MARCHF10: variants seen among roughly 807,000 people sequenced by gnomAD.
The protein encoded by MARCHF10 is membrane associated ring-CH-type finger 10.
A neutral mutation model predicts 76.2 loss-of-function variants in MARCHF10; 64 were observed. That is an observed-to-expected ratio of 0.84 (90% CI 0.69 to 1.03). The LOEUF is 1.03. MARCHF10 is among the 50% of genes least tolerant of loss of function. The pLI, the probability that MARCHF10 is intolerant of heterozygous loss-of-function variation, is 0.00. For synonymous variants in MARCHF10, 340 were observed against 357.5 expected (o/e 0.95, Z 0.55); for missense variants, 875 against 958.0 (o/e 0.91, Z 1.14).
chr17:62,702,190 T>C (rs1037787053), intron 10 of MARCHF10, among the ~76,000 whole-genome samples: 3 of 151,452 alleles, frequency 2.0e-5, no homozygotes, highest in African/African-American at 7.3e-5. Flanking sequence ...GGACAAGTGA[T>C]AGGACGGGGA....
rs1225812428 is a variant in MARCHF10 at position 62,701,589 on chromosome 17, T to C, written c.*114A>G. Reference sequence around the variant, plus strand: ...GTGGCACGAGGTGAAAATCTAACTGTGAACGCTTTGGTTTCAGTTTCAGTA... The same window carrying C: ...GTGGCACGAGGTGAAAATCTAACTGCGAACGCTTTGGTTTCAGTTTCAGTA... On this transcript the variant is annotated 3_prime_UTR_variant, in exon 11 of 11. Coordinates refer to ENST00000311269, the MANE Select transcript of MARCHF10 (RefSeq NM_152598.4). 6.3e-7 allele frequency: 1 copy of C among 1,594,956 alleles called. No individual in the cohort carries two copies. The highest frequency in any genetic ancestry group is 8.5e-7 in the Non-Finnish European group (1 of 1,173,662).
At chr17:62,742,922 C>T (rs553585758) in intron 5 of MARCHF10, among the ~76,000 whole-genome samples, 4 of 152,134 alleles carry the variant, frequency 2.6e-5, no homozygotes, top group African/African-American at 9.6e-5. Flanking sequence ...GGTGAGCCAC[C>T]CTGTCTGGTG....
At chr17:62,707,471 T>C (rs1568089018) in intron 9 of MARCHF10, 1 of 152,222 alleles carries the variant, frequency 6.6e-6, no homozygotes, top group Non-Finnish European at 1.5e-5. Context: ...GATCCATTGG[T>C]GAGAGCAATA....
chr17:62,729,870 A>T (rs564849788), intron 6 of MARCHF10, among the ~76,000 whole-genome samples: 39 of 142,912 alleles, frequency 2.7e-4, no homozygotes, highest in African/African-American at 9.2e-4. Flanking sequence ...CACCATGCTC[A>T]GCCCTCAAAT....
At chr17:62,753,289 T>C (rs1448363299) in intron 4 of MARCHF10, among the ~76,000 whole-genome samples, 1 of 152,092 alleles carries the variant, frequency 6.6e-6, no homozygotes. Flanking sequence ...GTATTTTTAG[T>C]AGAGATGGGG....
At chr17:62,787,366 T>G (rs557531984) in intron 3 of MARCHF10, among the ~76,000 whole-genome samples, 1 of 152,208 alleles carries the variant, frequency 6.6e-6, no homozygotes, top group South Asian at 2.1e-4. Flanking sequence ...TTGATTGATA[T>G]CACGTATTCA....
intron 2 of MARCHF10, among the ~76,000 whole-genome samples, chr17:62,798,996 C>T (rs1406574575): frequency 2.6e-5 from 4 of 152,134 alleles, no homozygotes; most frequent in South Asian, 2.1e-4. Context: ...TCTCACCTGC[C>T]GGCCTTGGGG....
chr17:62,771,008 A>G (rs1322356695), intron 3 of MARCHF10, among the ~76,000 whole-genome samples: 3 of 151,752 alleles, frequency 2.0e-5, no homozygotes, highest in Non-Finnish European at 4.4e-5. Flanking sequence ...GGCGCCCGCC[A>G]CCATGCCTGG....
chr17:62,737,535 C>T, intron 5 of MARCHF10: 1 of 576,946 alleles, frequency 1.7e-6, no homozygotes, highest in Non-Finnish European at 3.0e-6. Context: ...CTTTGTACCC[C>T]TGTGGTCCTA....
At chr17:62,748,245 A>G (rs1479322793) in intron 4 of MARCHF10, among the ~76,000 whole-genome samples, 1 of 152,066 alleles carries the variant, frequency 6.6e-6, no homozygotes, top group East Asian at 1.9e-4. Flanking sequence ...AAAATACAAA[A>G]TATTAGTTGG....
chr17:62,797,898 G>A lies in MARCHF10; in HGVS notation c.90+3748C>T, dbSNP rs946643120. Among the ~76,000 whole-genome samples, 7 of 134,694 alleles carry A rather than the reference G, an allele frequency of 5.2e-5. No homozygotes were observed. The East Asian group carries it at 9.6e-4, about 18-fold the overall frequency. The allele number at this position is 134,694 out of a possible 152,430, so 88.4% of individuals were successfully genotyped here. ...AGGGTAAAAAGGAAGGCACAAGTGC[G>A]TGAGTTCTTAGGTATACTTGGCAGG... On this transcript the variant is annotated intron_variant, in intron 2 of 10. Coordinates refer to ENST00000311269, the MANE Select transcript of MARCHF10 (RefSeq NM_152598.4).
chr17:62,759,804 T>C, intron 4 of MARCHF10, 31 bp downstream of exon 4: 2 of 1,604,462 alleles, frequency 1.2e-6, no homozygotes, highest in Non-Finnish European at 1.7e-6. Context: ...GGATTTTAGA[T>C]CTGATGAATT....
chr17:62,742,221 T>C lies in MARCHF10; in HGVS notation c.535+2155A>G, dbSNP rs1007349042. 3.3e-5 allele frequency among the ~76,000 whole-genome samples: 5 copies of C among 151,558 alleles called. No homozygotes were observed. The South Asian group carries it at 1.0e-3, about 32-fold the overall frequency. On this transcript the variant is annotated intron_variant, in intron 5 of 10. Coordinates refer to ENST00000311269, the MANE Select transcript of MARCHF10 (RefSeq NM_152598.4). ...TTTCTGTAGAGACAGGGTTTCACCATGTTGGCCAGGCTGGTCTTGAACTCC... is the reference window on the plus strand; with the variant it reads ...TTTCTGTAGAGACAGGGTTTCACCACGTTGGCCAGGCTGGTCTTGAACTCC...
chr17:62,706,981 A>G (rs1292957940), intron 9 of MARCHF10, among the ~76,000 whole-genome samples: 1 of 152,144 alleles, frequency 6.6e-6, no homozygotes, highest in Non-Finnish European at 1.5e-5. Context: ...CCCCGATGGG[A>G]GGAAAGGCCA....
intron 6 of MARCHF10, among the ~76,000 whole-genome samples, chr17:62,733,196 T>C (rs60648918): frequency 0.27 from 41,178 of 151,868 alleles, 6,137 homozygotes; most frequent in Non-Finnish European, 0.34. Context: ...AAGTGGCTCA[T>C]GCTTGTAATC....
intron 4 of MARCHF10, among the ~76,000 whole-genome samples, chr17:62,747,645 TACC>T (rs2091751748): frequency 6.6e-6 from 1 of 152,230 alleles, no homozygotes; most frequent in Non-Finnish European, 1.5e-5. Flanking sequence ...TAAAGAATAC[TACC>T]ACTACTACTG....
chr17:62,776,249 G>A (rs755072263), intron 3 of MARCHF10, among the ~76,000 whole-genome samples: 8 of 152,180 alleles, frequency 5.3e-5, no homozygotes, highest in African/African-American at 7.2e-5. Flanking sequence ...CAATGTCTGC[G>A]CTGCTAAGAC....
chr17:62,753,353 C>G (rs2091951990), intron 4 of MARCHF10, among the ~76,000 whole-genome samples: 1 of 152,178 alleles, frequency 6.6e-6, no homozygotes, highest in African/African-American at 2.4e-5. Flanking sequence ...GTGATCCACC[C>G]ACCTTAGCCT....
At chr17:62,797,553 C>T (rs1001733773) in intron 2 of MARCHF10, among the ~76,000 whole-genome samples, 1 of 152,140 alleles carries the variant, frequency 6.6e-6, no homozygotes, top group African/African-American at 2.4e-5. Context: ...CACAGAGATT[C>T]CCTTTAGTTC....
Sources: gnomAD v4.1 joint callset for allele counts (sites outside exome capture counted in the v4.1 genomes callset) on GRCh38, gnomAD v4.1.1 for gene constraint, MANE v1.5 for transcripts, NCBI Gene and HGNC (gene_info 2026-07-23, HGNC 2026-07-21) for gene names.